MORN1: variants seen among roughly 807,000 people sequenced by gnomAD.
The protein encoded by MORN1 is MORN repeat containing 1.
A neutral mutation model predicts 61.9 loss-of-function variants in MORN1; 67 were observed. That is an observed-to-expected ratio of 1.08 (90% CI 0.89 to 1.33). The LOEUF (loss-of-function observed/expected upper bound fraction) is 1.33, where lower values mean the gene tolerates loss of function less well. MORN1 is among the 40% of genes most tolerant of loss of function. The pLI, the probability that MORN1 is intolerant of heterozygous loss-of-function variation, is 0.00. For missense variants in MORN1, 752 were observed against 691.2 expected (o/e 1.09, Z -0.99); for synonymous variants, 301 against 292.0 (o/e 1.03, Z -0.31).
In MORN1 at chr1:2,388,357, C is replaced by T. The variant is rs370169217; in HGVS notation, c.149-20G>A. 110 of 1,598,030 alleles carry T rather than the reference C, an allele frequency of 6.9e-5. No homozygotes were observed. Among genetic ancestry groups the T allele is most frequent in the Non-Finnish European group, 8.7e-5 (101 of 1,165,798 alleles). ...CGTGACCTGGCAGGAGAAATCGTCA[C>T]GTGAACTCAGACAGTGGTTGGGTTG... On this transcript the variant is annotated intron_variant, in intron 2 of 13. Transcript: ENST00000378531.
Position 2,374,503 on chromosome 1 carries a change from C to T in MORN1, c.592G>A (p.Gly198Arg), listed in dbSNP as rs1642192350. ...ATCCACAACCCATAATAGGTGACCC[C>T]TGAGCAGTGGGCCATGCTGCCCAGT... The part of the protein sequence containing the change: ...SGLGSMAHCS[G>R]VTYYGLWING... Residue 198 changes from glycine to arginine, a missense_variant, in exon 7 of 14, where the codon GGG becomes AGG. Gly to Arg is a moderately radical substitution (Grantham distance 125). Transcript: ENST00000378531. 2.2e-5 allele frequency: 35 copies of T among 1,604,066 alleles called. No homozygotes were observed. The East Asian group carries it at 7.9e-4, about 36-fold the overall frequency.
chr1:2,335,828 T>TAGCCCGGCCCAGCCCAGCCCAGCCC (rs138508948), intron 12 of MORN1, among the ~76,000 whole-genome samples: 14 of 143,118 alleles, frequency 9.8e-5, no homozygotes, highest in African/African-American at 4.3e-4. Flanking sequence ...CTCGCCTCCA[T>TAGCCCGGCCCAGCCCAGCCCAGCCC]AGCCCAGCCC....
chr1:2,335,095 C>T (rs1171916139), intron 12 of MORN1, among the ~76,000 whole-genome samples: 7 of 152,248 alleles, frequency 4.6e-5, no homozygotes, highest in African/African-American at 9.6e-5. Context: ...ATTTAATTCA[C>T]AAACCATGAC....
chr1:2,387,560 G>T (rs779675613), intron 3 of MORN1, 31 bp from the exon 4 acceptor site: 1 of 1,532,792 alleles, frequency 6.5e-7, no homozygotes, highest in South Asian at 1.1e-5. Context: ...GGGGAGACAG[G>T]AGGTTCAGTT....
At chr1:2,373,571 G>A (rs1249915448) in intron 7 of MORN1, among the ~76,000 whole-genome samples, 4 of 152,160 alleles carry the variant, frequency 2.6e-5, no homozygotes, top group Non-Finnish European at 5.9e-5. Flanking sequence ...CTCTGCTGAG[G>A]ATCCAGGGGC....
chr1:2,377,698 G>A (rs1642273657), intron 6 of MORN1: 1 of 152,394 alleles, frequency 6.6e-6, no homozygotes, highest in Non-Finnish European at 1.5e-5. Context: ...GGCACCATCA[G>A]GCACTTCCTG....
At chr1:2,378,807 A>T (rs1642304995) in intron 6 of MORN1, 2 of 409,602 alleles carry the variant, frequency 4.9e-6, no homozygotes, top group African/African-American at 2.1e-5. Flanking sequence ...GTAAGCTGTA[A>T]ACTAGGAGTG....
At chr1:2,361,048 C>T (rs1641881115) in intron 8 of MORN1, among the ~76,000 whole-genome samples, 1 of 152,136 alleles carries the variant, frequency 6.6e-6, no homozygotes, top group Non-Finnish European at 1.5e-5. Context: ...CAATACCCAA[C>T]AAGGTAAAAT....
chr1:2,347,182 G>A (rs1641537065), intron 10 of MORN1, among the ~76,000 whole-genome samples: 1 of 152,226 alleles, frequency 6.6e-6, no homozygotes. Context: ...GCTGGGGGAG[G>A]TGGTTTCCCA....
intron 8 of MORN1, among the ~76,000 whole-genome samples, chr1:2,367,661 T>C (rs1346257314): frequency 1.3e-5 from 2 of 152,114 alleles, no homozygotes; most frequent in South Asian, 2.1e-4. Flanking sequence ...TTTTTTGAGA[T>C]GGAGTCTTGC....
intron 8 of MORN1, among the ~76,000 whole-genome samples, chr1:2,367,290 T>C (rs1458728039): frequency 7.8e-6 from 1 of 127,958 alleles, no homozygotes; most frequent in African/African-American, 3.0e-5. Flanking sequence ...AAGGACAAGA[T>C]AATTCATTGC....
intron 8 of MORN1, chr1:2,363,761 T>TCA (rs1274839450): frequency 2.6e-4 from 9 of 34,798 alleles, no homozygotes; most frequent in Non-Finnish European, 4.9e-4. Flanking sequence ...AGACCTTGTC[T>TCA]CAAAAAAGAA....
chr1:2,362,921 C>A (rs1209656911), intron 8 of MORN1: 4 of 151,940 alleles, frequency 2.6e-5, no homozygotes, highest in South Asian at 2.1e-4. Context: ...GGAAAGAATT[C>A]ATCACTAGCA....
intron 3 of MORN1, 114 bp from the exon 4 acceptor site, chr1:2,387,643 T>C (rs1557895797): frequency 5.5e-6 from 4 of 729,988 alleles, no homozygotes; most frequent in Middle Eastern, 4.8e-4. Context: ...AGAATGGACG[T>C]CCCTGCCTCC....
chr1:2,357,402 AC>A lies in MORN1; in HGVS notation c.1036+29del, dbSNP rs750171191. ...TTGACTGCTGGGCCTGGGCCCACCC[AC>A]CCCCAACTGGTTTGTGAGCTCCACT... On this transcript the variant is annotated intron_variant, in intron 10 of 13. Transcript: ENST00000378531. This position sits in a 1 kb window ranked among gnomAD's most constrained non-coding sequence, Gnocchi z 6.3. 68 of 1,506,204 alleles carry A rather than the reference AC, an allele frequency of 4.5e-5. 1 individual carries two copies. The highest frequency in any genetic ancestry group is 1.8e-4 in the Middle Eastern group (1 of 5,630). 93.3% of individuals were successfully genotyped at this position (1,506,204 alleles called of 1,614,324 possible).
At chr1:2,332,425 G>A (rs989483285) in intron 12 of MORN1, 1 of 359,144 alleles carries the variant, frequency 2.8e-6, no homozygotes, top group Non-Finnish European at 5.5e-6. Flanking sequence ...TCCACACTCA[G>A]GTTCTTCCAG....
At position 2,385,152 on chromosome 1, in the gene MORN1, G is replaced by A. The variant is rs115208040; in HGVS notation, c.450-87C>T. 1.7e-3 allele frequency: 2,294 copies of A among 1,388,824 alleles called. 27 individuals are homozygous for A. In the African/African-American group the frequency reaches 0.027, roughly 16 times the overall value. 86.0% of individuals were successfully genotyped at this position (1,388,824 alleles called of 1,614,324 possible). On this transcript the variant is annotated intron_variant, in intron 5 of 13. Coordinates refer to ENST00000378531, the MANE Select transcript of MORN1 (RefSeq NM_024848.3). ...AGACCGGCTCCTCCCACCGGGCTCC[G>A]CAGGCACTGCGGGACCGAGGCAAAA...
intron 10 of MORN1, among the ~76,000 whole-genome samples, chr1:2,349,029 C>CA (rs915379856): frequency 1.4e-4 from 21 of 152,146 alleles, no homozygotes; most frequent in Middle Eastern, 3.2e-3. Flanking sequence ...AGCACAGGGA[C>CA]ACCCCATGGA....
intron 13 of MORN1, chr1:2,323,228 C>T: frequency 7.1e-6 from 7 of 985,380 alleles, no homozygotes; most frequent in Non-Finnish European, 8.4e-6. Context: ...GTCACCAAGG[C>T]CTCACTGGCT....
Sources: allele counts gnomAD v4.1 joint callset (sites outside exome capture counted in the v4.1 genomes callset), GRCh38; gene constraint gnomAD v4.1.1; non-coding constraint Gnocchi (gnomAD v3.1); transcripts MANE v1.5; gene names NCBI Gene and HGNC (gene_info 2026-07-23, HGNC 2026-07-21).